CIITA: variants seen among roughly 807,000 people sequenced by gnomAD.
CIITA encodes MHC class II transactivator.
A neutral mutation model predicts 115.1 loss-of-function variants in CIITA; 72 were observed. The observed-to-expected ratio is 0.63, with a 90% CI of 0.52 to 0.76. CIITA has a LOEUF of 0.76. Among genes scored for constraint, CIITA ranks in the 30% least tolerant of loss-of-function variants. The probability of loss-of-function intolerance (pLI) is 0.00; values close to 1 mark genes in which losing one functional copy is unlikely to be tolerated. For synonymous variants in CIITA, 763 were observed against 635.6 expected, an observed-to-expected ratio of 1.20 and a Z score of -3.02; for missense variants, 1,617 against 1,463.8, an observed-to-expected ratio of 1.10 and a Z score of -1.71.
In CIITA at chr16:10,895,490, G is replaced by C. The variant is rs530759587; in HGVS notation, c.199+62G>C. Reference sequence around the variant, plus strand: ...CCACCCCTCAGCTTGCTGTAGAGACGGCAATCAGGGGAAATTCTGGTCCCT... The same window carrying C: ...CCACCCCTCAGCTTGCTGTAGAGACCGCAATCAGGGGAAATTCTGGTCCCT... On this transcript the variant is annotated intron_variant, in intron 2 of 19. Transcript: ENST00000324288. 194 of 1,604,304 alleles carry C rather than the reference G, an allele frequency of 1.2e-4. 2 individuals carry two copies. In the South Asian group the frequency reaches 1.9e-3, roughly 16 times the overall value.
In CIITA at chr16:10,916,545, T is replaced by C. The variant is rs2039963153; in HGVS notation, c.3062+86T>C. The C allele has an allele frequency of 4.2e-6, 5 of 1,187,010 alleles. No homozygotes were observed. In the South Asian group the frequency reaches 5.2e-5, roughly 12 times the overall value. The allele number at this position is 1,187,010 out of a possible 1,614,324, so 73.5% of individuals were successfully genotyped here. On this transcript the variant is annotated intron_variant, in intron 15 of 19. Transcript: ENST00000324288. Reference sequence around the variant, plus strand: ...TCAAAATTAATTTAAATTTGTTTTTTTAGACAAGGGCTCGCTGTGTCACCC... The same window carrying C: ...TCAAAATTAATTTAAATTTGTTTTTCTAGACAAGGGCTCGCTGTGTCACCC...
Position 10,941,771 on chromosome 16 carries a change from C to T in CIITA, n.897C>T. 1 of 1,613,544 alleles carries T rather than the reference C, an allele frequency of 6.2e-7. No homozygotes were observed. Among genetic ancestry groups the T allele is most frequent in the Non-Finnish European group, 8.5e-7 (1 of 1,179,756 alleles). ...AGCTCCGAGTCAGCATCGTAAAGGCCCGAGCCGGGGTCGGAGAGCACGCCG... is the reference window on the plus strand; with the variant it reads ...AGCTCCGAGTCAGCATCGTAAAGGCTCGAGCCGGGGTCGGAGAGCACGCCG... On this transcript the variant is annotated non_coding_transcript_exon_variant, in exon 2 of 2. Coordinates refer to the CIITA transcript ENST00000573379. The surrounding 1 kb of genome is among the most constrained non-coding windows in gnomAD (Gnocchi z 6.4).
chr16:10,868,709 G>T (rs4436808), intron 1 of CIITA, among the ~76,000 whole-genome samples: 2 of 152,034 alleles, frequency 1.3e-5, no homozygotes, highest in Non-Finnish European at 2.9e-5. Context: ...CTTCACTGCC[G>T]GACACTTCAG....
chr16:10,871,679 G>A (rs1279594044), intron 1 of CIITA, among the ~76,000 whole-genome samples: 2 of 152,198 alleles, frequency 1.3e-5, no homozygotes, highest in East Asian at 1.9e-4. Context: ...CCAGAGAGGA[G>A]AGAGGCTGTG....
At chr16:10,919,353 C>T (rs1181284658) in intron 16 of CIITA, among the ~76,000 whole-genome samples, 3 of 152,074 alleles carry the variant, frequency 2.0e-5, no homozygotes, top group African/African-American at 7.2e-5. Flanking sequence ...CCCACCACCA[C>T]GTCCAGCTAG....
chr16:10,939,967 TGGCA>T (rs1044780413), downstream of CIITA: 35 of 152,540 alleles, frequency 2.3e-4, no homozygotes, highest in African/African-American at 5.3e-4. The surrounding 1 kb of genome is among the most constrained non-coding windows in gnomAD (Gnocchi z 4.9). Flanking sequence ...GACGGATGGA[TGGCA>T]GGCAGGCAGG....
rs2040944637 is a variant in CIITA at position 10,934,561 on chromosome 16, C to T, written c.*10706C>T. ...GGGGGAAACATCAGGACAGCGTGGC[C>T]AGGAGCCCAATGCTGCCACCTCATA... On this transcript the variant is annotated 3_prime_UTR_variant, in exon 20 of 20. Transcript: ENST00000324288. The surrounding 1 kb of genome is among the most constrained non-coding windows in gnomAD (Gnocchi z 4.2). 6.6e-6 allele frequency: 1 copy of T among 152,228 alleles called. No homozygotes were observed. Among genetic ancestry groups the T allele is most frequent in the African/African-American group, 2.4e-5 (1 of 41,430 alleles). 9.4% of individuals were successfully genotyped at this position (152,228 alleles called of 1,614,324 possible).
chr16:10,942,339 C>T lies in CIITA; in HGVS notation n.1465C>T. On this transcript the variant is annotated non_coding_transcript_exon_variant, in exon 2 of 2. Coordinates refer to the CIITA transcript ENST00000573379. This position sits in a 1 kb window ranked among gnomAD's most constrained non-coding sequence, Gnocchi z 5.0. Reference sequence around the variant, plus strand: ...AGAGCCGGTGGGGATCCCACCGCGGCTCAGTGTCTAGGGCCGGTCCCGGCA... The same window carrying T: ...AGAGCCGGTGGGGATCCCACCGCGGTTCAGTGTCTAGGGCCGGTCCCGGCA... The T allele has an allele frequency of 4.0e-6, 1 of 249,282 alleles. No individual in the cohort carries two copies. The highest frequency in any genetic ancestry group is 4.6e-5 in the South Asian group (1 of 21,938). The allele number at this position is 249,282 out of a possible 1,614,324, so 15.4% of individuals were successfully genotyped here.
chr16:10,922,450 G>A lies in CIITA; in HGVS notation c.3277G>A (p.Ala1093Thr), dbSNP rs758022373. The A allele has an allele frequency of 2.5e-6, 4 of 1,614,136 alleles. No homozygotes were observed. Among genetic ancestry groups the A allele is most frequent in the Non-Finnish European group, 3.4e-6 (4 of 1,180,018 alleles). The change falls in exon 18 of 20, where the codon GCT (alanine) becomes ACT (threonine). Residue 1093 changes from alanine to threonine, a missense_variant. Coordinates refer to ENST00000324288, the MANE Select transcript of CIITA (RefSeq NM_000246.4). ...KFTAAGAQQL[A>T]ASLRRCPHVE... is the part of the protein sequence containing the mutation. ...CACGGCTGCCGGGGCCCAGCAGCTC[G>A]CTGCCAGCCTTCGGAGGTGTCCTCA...
Position 10,941,459 on chromosome 16 carries a change from G to T in CIITA, n.585G>T. 1 of 1,124,992 alleles carries T rather than the reference G, an allele frequency of 8.9e-7. No individual in the cohort carries two copies. Among genetic ancestry groups the T allele is most frequent in the Non-Finnish European group, 1.2e-6 (1 of 865,254 alleles). The allele number at this position is 1,124,992 out of a possible 1,614,324, so 69.7% of individuals were successfully genotyped here. A position where few individuals can be genotyped will look rare whatever the true frequency, so the allele number is the denominator to read the frequency against. On this transcript the variant is annotated non_coding_transcript_exon_variant, in exon 2 of 2. Transcript: ENST00000573379. The surrounding 1 kb of genome is among the most constrained non-coding windows in gnomAD (Gnocchi z 6.4). The stretch of plus-strand genomic sequence containing the variant: ...TGGCATCCAGTTAGACCTGGAGGAG[G>T]TGAACGGAGGAGAAGCCTGAGGGAG...
chr16:10,906,204 C>T (rs1438020063), intron 10 of CIITA, among the ~76,000 whole-genome samples: 2 of 151,924 alleles, frequency 1.3e-5, no homozygotes, highest in East Asian at 1.9e-4. Flanking sequence ...ACAAAAAAAT[C>T]AAAAAATTAT....
chr16:10,907,207 A>T lies in CIITA; in HGVS notation c.1715A>T (p.Glu572Val). ...ALFELSGFSM[E>V]QAQAYVMRYF... ...TTTGAGCTGTCCGGCTTCTCCATGG[A>T]GCAGGCCCAGGCATACGTGATGCGC... Residue 572 changes from glutamate (E) to valine (V), a missense_variant, in exon 11 of 20, where the codon GAG becomes GTG. Transcript: ENST00000324288. This position sits in a 1 kb window ranked among gnomAD's most constrained non-coding sequence, Gnocchi z 5.0. The T allele has an allele frequency of 6.2e-7, 1 of 1,612,988 alleles. No individual in the cohort carries two copies. Among genetic ancestry groups the T allele is most frequent in the Non-Finnish European group, 8.5e-7 (1 of 1,179,836 alleles).
intron 1 of CIITA, among the ~76,000 whole-genome samples, chr16:10,883,684 C>G (rs2036642471): frequency 6.6e-6 from 1 of 152,056 alleles, no homozygotes; most frequent in Non-Finnish European, 1.5e-5. Flanking sequence ...TGTCTCAGGT[C>G]AGATTGTCTG....
At position 10,879,270 on chromosome 16, in the gene CIITA, C is replaced by T. The variant is rs1353009748; in HGVS notation, c.52+1888C>T. 1.3e-5 allele frequency among the ~76,000 whole-genome samples: 2 copies of T among 152,182 alleles called. No homozygotes were observed. Among genetic ancestry groups the T allele is most frequent in the Non-Finnish European group, 2.9e-5 (2 of 68,030 alleles). ...GCTTGGCTTGCTGTGCCCAGAGCTC[C>T]GGGGCCGTGGGCGGGTGGCAGGAAA... On this transcript the variant is annotated intron_variant, in intron 1 of 19. Transcript: ENST00000324288. This position sits in a 1 kb window ranked among gnomAD's most constrained non-coding sequence, Gnocchi z 4.3.
In CIITA at chr16:10,922,223, C is replaced by T. The variant is rs147935554; in HGVS notation, c.3206C>T (p.Pro1069Leu). 1.8e-5 allele frequency: 29 copies of T among 1,614,068 alleles called. No homozygotes were observed. Among genetic ancestry groups the T allele is most frequent in the Middle Eastern group, 1.6e-4 (1 of 6,084 alleles). The part of the protein sequence containing the change: ...VGAESLARVL[P>L]DMVSLRVMDV... ...GCCGAGAGCTTGGCTCGTGTGCTTC[C>T]GGACATGGTGTCCCTCCGGGTGATG... The change falls in exon 17 of 20, where the codon CCG becomes CTG. Residue 1069 changes from proline (P) to leucine (L), a missense_variant. Coordinates refer to ENST00000324288, the MANE Select transcript of CIITA (RefSeq NM_000246.4).
rs780594681 is a variant in CIITA, at chr16:10,941,964, G to A, written n.1090G>A. The A allele has an allele frequency of 1.3e-6, 2 of 1,560,090 alleles. No individual in the cohort carries two copies. The highest frequency in any genetic ancestry group is 1.9e-5 in the Admixed American group (1 of 51,666). On this transcript the variant is annotated non_coding_transcript_exon_variant, in exon 2 of 2. Transcript: ENST00000573379. The surrounding 1 kb of genome is among the most constrained non-coding windows in gnomAD (Gnocchi z 6.4). Reference sequence around the variant, plus strand: ...GCGGCGGCACGTAGGGGACCAGGGGGCCCAGTGCGTCCAGGTGGGCCGCGA... The same window carrying A: ...GCGGCGGCACGTAGGGGACCAGGGGACCCAGTGCGTCCAGGTGGGCCGCGA...
Position 10,907,617 on chromosome 16 carries a change from C to A in CIITA, c.2125C>A (p.Pro709Thr), listed in dbSNP as rs1429011137. The A allele has an allele frequency of 6.2e-7, 1 of 1,614,224 alleles. No homozygotes were observed. Among genetic ancestry groups the A allele is most frequent in the African/African-American group, 1.3e-5 (1 of 75,060 alleles). Reference protein sequence around the residue: ...PRAAESELAFPSFLLQCFLGA... With the variant: ...PRAAESELAFTSFLLQCFLGA... ...GGCCGCAGAGTCCGAGCTGGCCTTC[C>A]CCAGCTTCCTCCTGCAATGCTTCCT... The change falls in exon 11 of 20, where the codon CCC (proline) becomes ACC (threonine). Residue 709 changes from proline to threonine, a missense_variant. Coordinates refer to ENST00000324288, the MANE Select transcript of CIITA (RefSeq NM_000246.4). This position sits in a 1 kb window ranked among gnomAD's most constrained non-coding sequence, Gnocchi z 5.0.
intron 1 of CIITA, among the ~76,000 whole-genome samples, chr16:10,889,401 T>C (rs2037309296): frequency 6.6e-6 from 1 of 152,184 alleles, no homozygotes; most frequent in Admixed American, 6.5e-5. Context: ...GAATTTCAGC[T>C]TTGACACCCT....
At position 10,879,715 on chromosome 16, in the gene CIITA, C is replaced by T. The variant is rs1361234074; in HGVS notation, c.52+2333C>T. Among the ~76,000 whole-genome samples, 1 of 152,188 alleles carries T rather than the reference C, an allele frequency of 6.6e-6. No individual in the cohort carries two copies. Among genetic ancestry groups the T allele is most frequent in the Non-Finnish European group, 1.5e-5 (1 of 68,040 alleles). Reference sequence around the variant, plus strand: ...CCTCGCTTTGGGGCCCTGAGTCACACCCTCTAAGGAGAGAGGCTAAAGCGC... The same window carrying T: ...CCTCGCTTTGGGGCCCTGAGTCACATCCTCTAAGGAGAGAGGCTAAAGCGC... On this transcript the variant is annotated intron_variant, in intron 1 of 19. Coordinates refer to ENST00000324288, the MANE Select transcript of CIITA (RefSeq NM_000246.4). The surrounding 1 kb of genome is among the most constrained non-coding windows in gnomAD (Gnocchi z 4.3).
Sources: gnomAD v4.1 joint callset for allele counts (sites outside exome capture counted in the v4.1 genomes callset) on GRCh38, gnomAD v4.1.1 for gene constraint, Gnocchi (gnomAD v3.1) non-coding constraint, MANE v1.5 for transcripts, NCBI Gene and HGNC (gene_info 2026-07-23, HGNC 2026-07-21) for gene names.